ALOX5: variants seen among roughly 807,000 people sequenced by gnomAD.
ALOX5 encodes arachidonate 5-lipoxygenase.
ALOX5 carries 64 observed loss-of-function variants against 87.9 expected under a neutral mutation model. The ratio of observed to expected loss-of-function variants is 0.73; its 90% CI spans 0.60 to 0.90. The LOEUF (loss-of-function observed/expected upper bound fraction) is 0.90. Among genes scored for constraint, ALOX5 ranks in the 40% least tolerant of loss-of-function variants. The pLI, the probability that ALOX5 is intolerant of heterozygous loss-of-function variation, is 0.00. For missense variants in ALOX5, 822 were observed against 907.5 expected, an observed-to-expected ratio of 0.91 and a Z score of 1.21; for synonymous variants, 388 against 355.1, an observed-to-expected ratio of 1.09 and a Z score of -1.04.
At chr10:45,444,449 C>G in intron 13 of ALOX5, 163 bp downstream of exon 13, 1 of 968,672 alleles carries the variant, frequency 1.0e-6, no homozygotes, top group Non-Finnish European at 1.5e-6. Flanking sequence ...ACCAGGTCCC[C>G]CGGCCTCAGC....
intron 3 of ALOX5, among the ~76,000 whole-genome samples, chr10:45,397,692 A>G (rs905674446): frequency 2.0e-5 from 3 of 152,300 alleles, no homozygotes; most frequent in South Asian, 2.1e-4. Flanking sequence ...GTTTTTCTAT[A>G]CATTAACAAC....
At chr10:45,377,712 T>A (rs1329484873) in intron 1 of ALOX5, among the ~76,000 whole-genome samples, 1 of 151,986 alleles carries the variant, frequency 6.6e-6, no homozygotes, top group East Asian at 1.9e-4. Flanking sequence ...CCCTCCAAGA[T>A]GGGTAGTCTG....
intron 1 of ALOX5, among the ~76,000 whole-genome samples, chr10:45,379,819 G>A (rs1839765397): frequency 2.0e-5 from 3 of 152,172 alleles, no homozygotes; most frequent in Admixed American, 2.0e-4. Context: ...ATGTGCCCAG[G>A]CCATCCAGCT....
At chr10:45,404,259 T>C (rs995923758) in intron 3 of ALOX5, among the ~76,000 whole-genome samples, 2 of 152,260 alleles carry the variant, frequency 1.3e-5, no homozygotes, top group Admixed American at 1.3e-4. Context: ...TGCACAATCT[T>C]GGAGTTCCTC....
intron 3 of ALOX5, among the ~76,000 whole-genome samples, chr10:45,409,729 ATCTC>A: frequency 6.6e-6 from 1 of 152,142 alleles, no homozygotes; most frequent in Non-Finnish European, 1.5e-5. Context: ...GTGGGATTCC[ATCTC>A]CACCAGTTAA....
At chr10:45,392,656 A>G (rs1001818395) in intron 2 of ALOX5, among the ~76,000 whole-genome samples, 11 of 151,914 alleles carry the variant, frequency 7.2e-5, no homozygotes, top group African/African-American at 2.7e-4. Flanking sequence ...CTATTGTCCT[A>G]TGACCCTGCC....
chr10:45,411,698 A>G (rs994435903), intron 3 of ALOX5, among the ~76,000 whole-genome samples: 3 of 152,178 alleles, frequency 2.0e-5, no homozygotes, highest in South Asian at 2.1e-4. Flanking sequence ...GTGTCGTCCT[A>G]TTGTGAAGGC....
Position 45,374,227 on chromosome 10 carries a change from C to G in ALOX5, c.-53C>G. On this transcript the variant is annotated 5_prime_UTR_variant, in exon 1 of 14. Transcript: ENST00000374391. Reference sequence around the variant, plus strand: ...GAGGCTGCGGCGCTAGATGCGGACACCTGGACCGCCGCGCCGAGGCTCCCG... The same window carrying G: ...GAGGCTGCGGCGCTAGATGCGGACAGCTGGACCGCCGCGCCGAGGCTCCCG... 7.0e-7 allele frequency: 1 copy of G among 1,438,386 alleles called. No individual in the cohort carries two copies. Among genetic ancestry groups the G allele is most frequent in the Non-Finnish European group, 9.1e-7 (1 of 1,096,964 alleles). 89.1% of individuals were successfully genotyped at this position (1,438,386 alleles called of 1,614,324 possible). A position where few individuals can be genotyped will look rare whatever the true frequency, so the allele number is the denominator to read the frequency against.
At chr10:45,386,182 TC>T (rs1350558604) in intron 2 of ALOX5, among the ~76,000 whole-genome samples, 2 of 151,982 alleles carry the variant, frequency 1.3e-5, no homozygotes, top group African/African-American at 4.8e-5. Flanking sequence ...GCAACTGTAG[TC>T]CCAGCTACTT....
intron 7 of ALOX5, among the ~76,000 whole-genome samples, chr10:45,429,520 C>A (rs3780908): frequency 0.16 from 23,963 of 152,220 alleles, 2,030 homozygotes; most frequent in Non-Finnish European, 0.18. Context: ...AGTCCGCAAT[C>A]CCTTACCCTC....
chr10:45,382,826 T>C (rs997681660), intron 2 of ALOX5, 145 bp downstream of exon 2: 3 of 974,588 alleles, frequency 3.1e-6, no homozygotes, highest in Non-Finnish European at 1.5e-6. Flanking sequence ...TCGACACACC[T>C]GCAGGAGGCA....
At chr10:45,416,040 A>G (rs781043361) in intron 4 of ALOX5, among the ~76,000 whole-genome samples, 6 of 152,164 alleles carry the variant, frequency 3.9e-5, no homozygotes, top group Non-Finnish European at 7.4e-5. Flanking sequence ...TGAGGGTGGG[A>G]CCCTGGCTTT....
chr10:45,424,245 G>A, intron 5 of ALOX5, 98 bp downstream of exon 5: 1 of 1,043,650 alleles, frequency 9.6e-7, no homozygotes, highest in Non-Finnish European at 1.5e-6. Context: ...CTTCCTGCCT[G>A]CTGCAGCATG....
intron 3 of ALOX5, among the ~76,000 whole-genome samples, chr10:45,396,563 C>T (rs1212484399): frequency 1.3e-5 from 2 of 152,162 alleles, no homozygotes; most frequent in Non-Finnish European, 2.9e-5. Context: ...ATAAAACAAT[C>T]ACAACCAAAG....
intron 7 of ALOX5, among the ~76,000 whole-genome samples, chr10:45,439,760 A>G (rs910429285): frequency 6.6e-6 from 1 of 152,216 alleles, no homozygotes; most frequent in African/African-American, 2.4e-5. Flanking sequence ...CATTTTGGAA[A>G]AGAAAAAAAC....
chr10:45,420,147 A>T (rs1330568889), intron 4 of ALOX5, among the ~76,000 whole-genome samples: 1 of 152,198 alleles, frequency 6.6e-6, no homozygotes, highest in African/African-American at 2.4e-5. Flanking sequence ...AAGCCTCTGA[A>T]ATCCTTGGAA....
At chr10:45,394,584 CA>C (rs1368033062) in intron 2 of ALOX5, among the ~76,000 whole-genome samples, 1 of 152,118 alleles carries the variant, frequency 6.6e-6, no homozygotes, top group Non-Finnish European at 1.5e-5. Context: ...GCAATGGCAA[CA>C]AAAGCCAAAA....
At chr10:45,412,730 G>T (rs190545473) in intron 4 of ALOX5, among the ~76,000 whole-genome samples, 3 of 152,226 alleles carry the variant, frequency 2.0e-5, no homozygotes, top group East Asian at 3.9e-4. Context: ...CTGTTCCTCC[G>T]TCACAACCCC....
At chr10:45,382,725 G>T in intron 2 of ALOX5, 44 bp downstream of exon 2, 1 of 1,573,726 alleles carries the variant, frequency 6.4e-7, no homozygotes, top group East Asian at 2.4e-5. Context: ...CCCAAGAACC[G>T]AAAGTTCTTC....
Sources: allele counts gnomAD v4.1 joint callset (sites outside exome capture counted in the v4.1 genomes callset), GRCh38; gene constraint gnomAD v4.1.1; transcripts MANE v1.5; gene names NCBI Gene and HGNC (gene_info 2026-07-23, HGNC 2026-07-21).